Variants in BICC1 observed in about 807,000 individuals in gnomAD.
BICC1 encodes BicC family RNA binding protein 1.
Under a neutral mutation model 111.0 loss-of-function variants are expected in BICC1, and 43 were observed. The ratio of observed to expected loss-of-function variants is 0.39; its 90% CI spans 0.30 to 0.50. The LOEUF (loss-of-function observed/expected upper bound fraction) is 0.50, where lower values mean the gene tolerates loss of function less well. Ranked by LOEUF, BICC1 falls within the 20% of genes least tolerant of loss-of-function variation. The pLI is 0.88. For synonymous variants in BICC1, 467 were observed against 434.4 expected (o/e 1.07, Z -0.93); for missense variants, 1,091 against 1,203.2 (o/e 0.91, Z 1.38).
At chr10:58,808,915 A>G (rs181935827) in intron 17 of BICC1, among the ~76,000 whole-genome samples, 1 of 152,132 alleles carries the variant, frequency 6.6e-6, no homozygotes, top group African/African-American at 2.4e-5. Flanking sequence ...GAGTTTCACC[A>G]TGTTGACCAG....
chr10:58,754,760 A>ATGTG (rs149325160), intron 3 of BICC1, among the ~76,000 whole-genome samples: 66,185 of 148,660 alleles, frequency 0.45, 15,285 homozygotes, highest in Admixed American at 0.57. Flanking sequence ...GGGGGTGTGT[A>ATGTG]TGTGTGTGTG....
intron 1 of BICC1, among the ~76,000 whole-genome samples, chr10:58,528,783 G>A (rs1658484): frequency 0.46 from 69,214 of 151,124 alleles, 16,813 homozygotes; most frequent in Admixed American, 0.62. Context: ...CCAGTATTCC[G>A]GGTCTTCTGC....
intron 3 of BICC1, among the ~76,000 whole-genome samples, chr10:58,780,250 G>T (rs774253689): frequency 2.3e-4 from 35 of 152,206 alleles, no homozygotes; most frequent in Non-Finnish European, 4.6e-4. Context: ...CAGCCATCCA[G>T]ATTTGAAGCC....
At chr10:58,627,787 G>A (rs926942372) in intron 2 of BICC1, among the ~76,000 whole-genome samples, 12 of 152,116 alleles carry the variant, frequency 7.9e-5, no homozygotes, top group Admixed American at 3.3e-4. Flanking sequence ...AATATATTAC[G>A]TAGAACATTA....
Position 58,515,590 on chromosome 10 carries a change from T to C in BICC1, c.190+2257T>C, listed in dbSNP as rs576208733. 3.3e-5 allele frequency among the ~76,000 whole-genome samples: 5 copies of C among 152,334 alleles called. No individual in the cohort carries two copies. The South Asian group carries it at 1.0e-3, about 32-fold the overall frequency. The stretch of plus-strand genomic sequence containing the variant: ...CGATAGGAATTTTTCAGCTTCTTTA[T>C]AATCTTACGGGACCATTGTAGTGTA... On this transcript the variant is annotated intron_variant, in intron 1 of 20. Coordinates refer to ENST00000373886, the MANE Select transcript of BICC1 (RefSeq NM_001080512.3).
chr10:58,660,540 G>A (rs1199123304), intron 2 of BICC1, among the ~76,000 whole-genome samples: 1 of 151,386 alleles, frequency 6.6e-6, no homozygotes, highest in Non-Finnish European at 1.5e-5. Flanking sequence ...ATACTTTAGT[G>A]TACTTCTAGC....
At chr10:58,759,452 T>C (rs1293418282) in intron 3 of BICC1, among the ~76,000 whole-genome samples, 1 of 152,136 alleles carries the variant, frequency 6.6e-6, no homozygotes, top group Non-Finnish European at 1.5e-5. Context: ...AATGGGTTAA[T>C]TCCTTGATAC....
At chr10:58,764,009 A>G (rs10509093) in intron 3 of BICC1, among the ~76,000 whole-genome samples, 46,377 of 151,936 alleles carry the variant, frequency 0.31, 7,425 homozygotes, top group East Asian at 0.47. Flanking sequence ...ATTGCTATAC[A>G]TTTAGTGGTG....
intron 2 of BICC1, among the ~76,000 whole-genome samples, chr10:58,656,254 G>A (rs1479450336): frequency 2.6e-5 from 4 of 151,080 alleles, no homozygotes; most frequent in East Asian, 2.0e-4. Flanking sequence ...ATTCACAGCC[G>A]AATTCTATCA....
chr10:58,824,072 G>A (rs2011589), intron 20 of BICC1: 713,996 of 982,768 alleles, frequency 0.73, 260,208 homozygotes, highest in Admixed American at 0.74. Flanking sequence ...TGTTAAAATA[G>A]CAAATAAAGC....
At chr10:58,728,981 T>A (rs1272691084) in intron 3 of BICC1, among the ~76,000 whole-genome samples, 4 of 152,194 alleles carry the variant, frequency 2.6e-5, no homozygotes, top group African/African-American at 9.6e-5. Flanking sequence ...CATCCAGACT[T>A]TGTTACATTT....
chr10:58,820,476 T>C lies in BICC1; in HGVS notation c.2794+8T>C. On this transcript the variant is annotated splice_region_variant and intron_variant, in intron 20 of 20. Coordinates refer to ENST00000373886, the MANE Select transcript of BICC1 (RefSeq NM_001080512.3). Reference sequence around the variant, plus strand: ...TGCTGCTTGCAATTTCAGGTGAATATAAATATTCAACTCATATGTTAAAAT... The same window carrying C: ...TGCTGCTTGCAATTTCAGGTGAATACAAATATTCAACTCATATGTTAAAAT... 6.3e-7 allele frequency: 1 copy of C among 1,578,272 alleles called. No homozygotes were observed. The highest frequency in any genetic ancestry group is 1.3e-5 in the African/African-American group (1 of 74,202).
intron 20 of BICC1, among the ~76,000 whole-genome samples, chr10:58,824,681 TA>T (rs1363694242): frequency 6.6e-6 from 1 of 152,174 alleles, no homozygotes; most frequent in Non-Finnish European, 1.5e-5. Flanking sequence ...GTGTGTGGTT[TA>T]AAAAGTACTG....
intron 18 of BICC1, among the ~76,000 whole-genome samples, chr10:58,815,581 A>G (rs1844062630): frequency 6.6e-6 from 1 of 152,184 alleles, no homozygotes; most frequent in Admixed American, 6.5e-5. Context: ...CAGGATTAAG[A>G]TGGAGGATAC....
At chr10:58,532,465 G>A (rs1190950367) in intron 1 of BICC1, among the ~76,000 whole-genome samples, 1 of 151,754 alleles carries the variant, frequency 6.6e-6, no homozygotes, top group Non-Finnish European at 1.5e-5. Context: ...GAAGCATGGT[G>A]GAAGAATGGT....
intron 3 of BICC1, among the ~76,000 whole-genome samples, chr10:58,777,639 T>C (rs1186794409): frequency 6.6e-6 from 1 of 152,100 alleles, no homozygotes; most frequent in African/African-American, 2.4e-5. Flanking sequence ...GCCTAAGGAA[T>C]TTGCCATACT....
intron 3 of BICC1, among the ~76,000 whole-genome samples, chr10:58,782,454 G>A (rs939083059): frequency 6.6e-6 from 1 of 152,156 alleles, no homozygotes; most frequent in East Asian, 1.9e-4. Flanking sequence ...CTGTACTTGA[G>A]TTAACCATCA....
intron 1 of BICC1, among the ~76,000 whole-genome samples, chr10:58,553,549 C>CAATA (rs1843358289): frequency 6.6e-6 from 1 of 152,068 alleles, no homozygotes; most frequent in Non-Finnish European, 1.5e-5. Flanking sequence ...AACTGTAAGA[C>CAATA]AATAAATTTG....
chr10:58,786,852 A>AG (rs1843023617), intron 4 of BICC1, 71 bp from the exon 5 acceptor site: 1 of 1,234,850 alleles, frequency 8.1e-7, no homozygotes, highest in African/African-American at 1.6e-5. Flanking sequence ...CATTCCCTTG[A>AG]GGGAAAGACA....
Sources: gnomAD v4.1 joint callset for allele counts (sites outside exome capture counted in the v4.1 genomes callset) on GRCh38, gnomAD v4.1.1 for gene constraint, MANE v1.5 for transcripts, NCBI Gene and HGNC (gene_info 2026-07-23, HGNC 2026-07-21) for gene names.